Variants in KCNQ1 observed in about 807,000 individuals in gnomAD.
KCNQ1 encodes potassium voltage-gated channel subfamily KQT member 1.
KCNQ1 carries 49 observed loss-of-function variants against 72.4 expected under a neutral mutation model. That is an observed-to-expected ratio of 0.68 (90% confidence interval 0.54 to 0.86). KCNQ1 has a LOEUF of 0.86. Among genes scored for constraint, KCNQ1 ranks in the 40% least tolerant of loss-of-function variants. KCNQ1 has a pLI of 0.00. For synonymous variants in KCNQ1, 450 were observed against 412.6 expected (o/e 1.09, Z -1.10); for missense variants, 790 against 945.1 (o/e 0.84, Z 2.15).
chr11:2,837,438 G>A (rs1848095112), intron 15 of KCNQ1, among the ~76,000 whole-genome samples: 1 of 152,222 alleles, frequency 6.6e-6, no homozygotes, highest in Non-Finnish European at 1.5e-5. Flanking sequence ...TGAGCCCCCA[G>A]GCTGCACTGT....
intron 2 of KCNQ1, among the ~76,000 whole-genome samples, chr11:2,528,921 G>A (rs937114512): frequency 2.6e-5 from 4 of 152,176 alleles, no homozygotes; most frequent in East Asian, 3.8e-4. Context: ...TAGGGAGTCC[G>A]TTTTACCTTT....
At chr11:2,445,869 C>A (rs542767167) in intron 1 of KCNQ1, among the ~76,000 whole-genome samples, 1 of 152,260 alleles carries the variant, frequency 6.6e-6, no homozygotes, top group Non-Finnish European at 1.5e-5. Flanking sequence ...ACTCGAGGCT[C>A]AGGAGCCCCC....
chr11:2,630,599 A>G, intron 10 of KCNQ1: 1 of 398,314 alleles, frequency 2.5e-6, no homozygotes, highest in Non-Finnish European at 4.4e-6. Flanking sequence ...CCTTTATACT[A>G]GAGTTATGTG....
chr11:2,597,617 T>A (rs1848750881), intron 10 of KCNQ1, among the ~76,000 whole-genome samples: 1 of 152,208 alleles, frequency 6.6e-6, no homozygotes, highest in African/African-American at 2.4e-5. Flanking sequence ...CAAAACAAAG[T>A]TTTATCTACC....
intron 2 of KCNQ1, among the ~76,000 whole-genome samples, chr11:2,569,725 A>G (rs1406068342): frequency 4.6e-5 from 7 of 152,192 alleles, no homozygotes; most frequent in African/African-American, 1.7e-4. Flanking sequence ...CTGCACTTTA[A>G]GTGTCACAAT....
At chr11:2,610,395 G>C (rs1164003588) in intron 10 of KCNQ1, 2 of 398,156 alleles carry the variant, frequency 5.0e-6, no homozygotes, top group Admixed American at 8.8e-5. Flanking sequence ...AGGAGAGCAA[G>C]TATATATTTC....
intron 15 of KCNQ1, among the ~76,000 whole-genome samples, chr11:2,841,752 A>C (rs1381535847): frequency 6.6e-6 from 1 of 152,184 alleles, no homozygotes; most frequent in Non-Finnish European, 1.5e-5. Flanking sequence ...ATATTCCCCC[A>C]CAGTCGTCAG....
At chr11:2,774,624 C>G (rs888437454) in intron 12 of KCNQ1, among the ~76,000 whole-genome samples, 1 of 152,192 alleles carries the variant, frequency 6.6e-6, no homozygotes, top group African/African-American at 2.4e-5. Flanking sequence ...AAGAACTCCA[C>G]CAAGCCTCCG....
At chr11:2,708,037 C>A (rs118101760) in intron 11 of KCNQ1, among the ~76,000 whole-genome samples, 1 of 152,234 alleles carries the variant, frequency 6.6e-6, no homozygotes, top group East Asian at 1.9e-4. Flanking sequence ...AGCACCAGGC[C>A]CCTCAGGGCT....
rs1319937611 is a variant in KCNQ1 at position 2,711,111 on chromosome 11, A to G, written c.1514+49030A>G. On this transcript the variant is annotated intron_variant, in intron 11 of 15. Coordinates refer to ENST00000155840, the MANE Select transcript of KCNQ1 (RefSeq NM_000218.3). This position sits in a 1 kb window ranked among gnomAD's most constrained non-coding sequence, Gnocchi z 5.4. ...GTGTTAAGTCTTCCAATCCAAGAGC[A>G]TGTATTTCATTGTATTTGGATTTTT... 6.6e-6 allele frequency among the ~76,000 whole-genome samples: 1 copy of G among 152,248 alleles called. No individual in the cohort carries two copies. Among genetic ancestry groups the G allele is most frequent in the Non-Finnish European group, 1.5e-5 (1 of 68,040 alleles).
At position 2,678,429 on chromosome 11, in the gene KCNQ1, A is replaced by G; in HGVS notation, c.1514+16348A>G. The G allele has an allele frequency of 2.5e-6, 1 of 398,602 alleles. No homozygotes were observed. The highest frequency in any genetic ancestry group is 4.4e-6 in the Non-Finnish European group (1 of 226,060). The allele number at this position is 398,602 out of a possible 1,614,324, so 24.7% of individuals were successfully genotyped here. A position where few individuals can be genotyped will look rare whatever the true frequency, so the allele number is the denominator to read the frequency against. ...TGTCCAACACTATTTATTTGAGTAC[A>G]TCATCATCTCTCTACTAATTTCAAC... On this transcript the variant is annotated intron_variant, in intron 11 of 15. Transcript: ENST00000155840. This position sits in a 1 kb window ranked among gnomAD's most constrained non-coding sequence, Gnocchi z 4.9.
Position 2,491,598 on chromosome 11 carries a change from T to C in KCNQ1, c.387-36330T>C, listed in dbSNP as rs1421806341. Among the ~76,000 whole-genome samples, 1 of 151,960 alleles carries C rather than the reference T, an allele frequency of 6.6e-6. No individual in the cohort carries two copies. The highest frequency in any genetic ancestry group is 1.5e-5 in the Non-Finnish European group (1 of 67,998). ...TAGAAAATAGCCTCAAAAGGGCAAATCTAAGATTTATTGACCTTAAAGAGG... is the reference window on the plus strand; with the variant it reads ...TAGAAAATAGCCTCAAAAGGGCAAACCTAAGATTTATTGACCTTAAAGAGG... On this transcript the variant is annotated intron_variant, in intron 1 of 15. Transcript: ENST00000155840. The surrounding 1 kb of genome is among the most constrained non-coding windows in gnomAD (Gnocchi z 4.1).
At chr11:2,731,592 C>T (rs1845859277) in intron 11 of KCNQ1, among the ~76,000 whole-genome samples, 1 of 152,260 alleles carries the variant, frequency 6.6e-6, no homozygotes, top group Admixed American at 6.5e-5. Context: ...CTGCTTGAGG[C>T]AAGCCCTCCG....
At chr11:2,675,589 A>G (rs1483046145) in intron 11 of KCNQ1, 3 of 398,502 alleles carry the variant, frequency 7.5e-6, no homozygotes, top group African/African-American at 6.2e-5. Flanking sequence ...TTCCTAGGAG[A>G]TCCCAATTGC....
At chr11:2,793,883 G>A (rs1293955287) in intron 15 of KCNQ1, among the ~76,000 whole-genome samples, 1 of 152,234 alleles carries the variant, frequency 6.6e-6, no homozygotes, top group Non-Finnish European at 1.5e-5. Context: ...ATCTGTCTGT[G>A]TGAAGGAGAA....
In KCNQ1 at chr11:2,566,362, C is replaced by G. The variant is rs1473836540; in HGVS notation, c.478-4266C>G. Among the ~76,000 whole-genome samples, 3 of 152,204 alleles carry G rather than the reference C, an allele frequency of 2.0e-5. No individual in the cohort carries two copies. The highest frequency in any genetic ancestry group is 7.2e-5 in the African/African-American group (3 of 41,446). ...ACCTGCCAGTGTCCTCTCCCACACC[C>G]GAGGACACCTGTACCTTGTCCCGGG... On this transcript the variant is annotated intron_variant, in intron 2 of 15. Transcript: ENST00000155840. This position sits in a 1 kb window ranked among gnomAD's most constrained non-coding sequence, Gnocchi z 6.7.
intron 11 of KCNQ1, among the ~76,000 whole-genome samples, chr11:2,727,623 C>T (rs976024889): frequency 1.3e-5 from 2 of 152,160 alleles, no homozygotes; most frequent in East Asian, 1.9e-4. Context: ...CTCCTTGCCT[C>T]CTGCCAGGGG....
rs905031854 is a variant in KCNQ1 at position 2,824,257 on chromosome 11, G to T, written c.1795-23510G>T. Reference sequence around the variant, plus strand: ...GAGTAGAGGGGAGGTGGGTGAGGAGGCTACGCAGAGGCCCTGGGAGGAGGG... The same window carrying T: ...GAGTAGAGGGGAGGTGGGTGAGGAGTCTACGCAGAGGCCCTGGGAGGAGGG... On this transcript the variant is annotated intron_variant, in intron 15 of 15. Transcript: ENST00000155840. This position sits in a 1 kb window ranked among gnomAD's most constrained non-coding sequence, Gnocchi z 5.9. 6.6e-6 allele frequency among the ~76,000 whole-genome samples: 1 copy of T among 152,156 alleles called. No individual in the cohort carries two copies. Among genetic ancestry groups the T allele is most frequent in the African/African-American group, 2.4e-5 (1 of 41,436 alleles).
rs1181656294 is a variant in KCNQ1, at chr11:2,679,772, A to C, written c.1514+17691A>C. ...GGGAAAATAGTCCCTGCTGCACACT[A>C]GGGCCTGTTAGGCCAGTTGAGGGCT... On this transcript the variant is annotated intron_variant, in intron 11 of 15. Coordinates refer to ENST00000155840, the MANE Select transcript of KCNQ1 (RefSeq NM_000218.3). The surrounding 1 kb of genome is among the most constrained non-coding windows in gnomAD (Gnocchi z 4.8). 1 of 398,506 alleles carries C rather than the reference A, an allele frequency of 2.5e-6. No homozygotes were observed. Among genetic ancestry groups the C allele is most frequent in the Non-Finnish European group, 4.4e-6 (1 of 226,070 alleles). The allele number at this position is 398,506 out of a possible 1,614,324, so 24.7% of individuals were successfully genotyped here.
Sources: gnomAD v4.1 joint callset for allele counts (sites outside exome capture counted in the v4.1 genomes callset) on GRCh38, gnomAD v4.1.1 for gene constraint, Gnocchi (gnomAD v3.1) non-coding constraint, MANE v1.5 for transcripts, NCBI Gene and HGNC (gene_info 2026-07-23, HGNC 2026-07-21) for gene names.